CD274: variants seen among roughly 807,000 people sequenced by gnomAD.
The protein encoded by CD274 is CD274 molecule.
CD274 carries 8 observed loss-of-function variants against 30.1 expected under a neutral mutation model. The ratio of observed to expected loss-of-function variants is 0.27; its 90% CI spans 0.16 to 0.48. The LOEUF is 0.48. CD274 is among the 20% of genes least tolerant of loss of function. CD274 has a pLI of 0.99. For synonymous variants in CD274, 152 were observed against 124.6 expected, an observed-to-expected ratio of 1.22 and a Z score of -1.46; for missense variants, 353 against 346.6, an observed-to-expected ratio of 1.02 and a Z score of -0.15.
At chr9:5,450,713 GAA>G (rs2131200847) in intron 1 of CD274, 117 bp downstream of exon 1, 1 of 152,454 alleles carries the variant, frequency 6.6e-6, no homozygotes, top group East Asian at 1.9e-4. Context: ...GAGGAGAAGG[GAA>G]AGGGAACGCG....
At chr9:5,455,965 G>A in intron 1 of CD274, 135 bp from the exon 2 acceptor site, 1 of 611,320 alleles carries the variant, frequency 1.6e-6, no homozygotes, top group Non-Finnish European at 2.9e-6. Flanking sequence ...TCCCTGTTGG[G>A]TTTCCACAAT....
chr9:5,457,142 A>G lies in CD274; in HGVS notation c.116A>G (p.Glu39Gly), dbSNP rs1461816349. ...VVEYGSNMTIECKFPVEKQLD... is the reference protein window; with the variant it reads ...VVEYGSNMTIGCKFPVEKQLD... ...GAGTATGGTAGCAATATGACAATTG[A>G]ATGCAAATTCCCAGTAGAAAAACAA... Residue 39 changes from glutamate to glycine, a missense_variant, in exon 3 of 7, where the codon GAA becomes GGA. Coordinates refer to ENST00000381577, the MANE Select transcript of CD274 (RefSeq NM_014143.4). The G allele has an allele frequency of 6.2e-7, 1 of 1,614,066 alleles. No homozygotes were observed.
chr9:5,461,908 A>C (rs933260999), intron 3 of CD274, among the ~76,000 whole-genome samples: 21 of 152,256 alleles, frequency 1.4e-4, no homozygotes, highest in African/African-American at 5.1e-4. Flanking sequence ...GTGGTATCCT[A>C]GATAGCATCC....
At chr9:5,457,803 G>A (rs1183330216) in intron 3 of CD274, among the ~76,000 whole-genome samples, 2 of 152,198 alleles carry the variant, frequency 1.3e-5, no homozygotes, top group African/African-American at 2.4e-5. Context: ...GGCATGCAGA[G>A]AGAGTAACCA....
chr9:5,457,756 C>CAAAAGTG (rs1819332685), intron 3 of CD274, among the ~76,000 whole-genome samples: 1 of 152,158 alleles, frequency 6.6e-6, no homozygotes, highest in African/African-American at 2.4e-5. Context: ...AAATGAATTG[C>CAAAAGTG]AAAAGTGTCC....
intron 1 of CD274, among the ~76,000 whole-genome samples, chr9:5,453,136 A>G (rs1329145968): frequency 6.6e-6 from 1 of 152,144 alleles, no homozygotes; most frequent in South Asian, 2.1e-4. Context: ...CCTGAATGCC[A>G]TCGCTATTCC....
chr9:5,459,557 A>C (rs1003035683), intron 3 of CD274, among the ~76,000 whole-genome samples: 1 of 152,174 alleles, frequency 6.6e-6, no homozygotes, highest in Non-Finnish European at 1.5e-5. Context: ...TCCCCACAGG[A>C]GTTTACTCAC....
Position 5,468,243 on chromosome 9 carries a change from C to CA in CD274, c.*383dup, listed in dbSNP as rs1819529481. 1 of 294,554 alleles carries CA rather than the reference C, an allele frequency of 3.4e-6. No homozygotes were observed. The highest frequency in any genetic ancestry group is 6.3e-6 in the Non-Finnish European group (1 of 157,716). 18.2% of individuals were successfully genotyped at this position (294,554 alleles called of 1,614,324 possible). ...TGCAGAAGTGCCCTTTGCCTCCACT[C>CA]AATGCCTCAATTTGTTTTCTGCATG... On this transcript the variant is annotated 3_prime_UTR_variant, in exon 7 of 7. Transcript: ENST00000381577.
In CD274 at chr9:5,450,587, C is replaced by T. The variant is rs1364680981; in HGVS notation, c.-24C>T. The T allele has an allele frequency of 6.6e-6, 1 of 152,356 alleles. No homozygotes were observed. The highest frequency in any genetic ancestry group is 1.5e-5 in the Non-Finnish European group (1 of 68,132). 9.4% of individuals were successfully genotyped at this position (152,356 alleles called of 1,614,324 possible). ...GGCTCCGCACCAGCCGCGCTTCTGTCCGCCTGCAGGTAGGGAGCGTTGTTC... is the reference window on the plus strand; with the variant it reads ...GGCTCCGCACCAGCCGCGCTTCTGTTCGCCTGCAGGTAGGGAGCGTTGTTC... On this transcript the variant is annotated 5_prime_UTR_variant, in exon 1 of 7. Transcript: ENST00000381577.
At chr9:5,455,870 T>C (rs1488701054) in intron 1 of CD274, among the ~76,000 whole-genome samples, 2 of 151,710 alleles carry the variant, frequency 1.3e-5, no homozygotes, top group African/African-American at 2.4e-5. Flanking sequence ...CTATAATAAA[T>C]TTGAAACTTC....
rs777147127 is a variant in CD274 at position 5,463,158 on chromosome 9, C to T, written c.682+37C>T. ...AATGTGTCCATTAAAATATGTCTAACACTGTCCCCTAGCACCTAGCATGAT... is the reference window on the plus strand; with the variant it reads ...AATGTGTCCATTAAAATATGTCTAATACTGTCCCCTAGCACCTAGCATGAT... On this transcript the variant is annotated intron_variant, in intron 4 of 6. Transcript: ENST00000381577. 18 of 1,520,146 alleles carry T rather than the reference C, an allele frequency of 1.2e-5. No homozygotes were observed. The East Asian group carries it at 3.8e-4, about 32-fold the overall frequency. 94.2% of individuals were successfully genotyped at this position (1,520,146 alleles called of 1,614,324 possible).
At chr9:5,465,132 C>T (rs1371179207) in intron 4 of CD274, among the ~76,000 whole-genome samples, 1 of 151,814 alleles carries the variant, frequency 6.6e-6, no homozygotes, top group East Asian at 1.9e-4. Context: ...ATCAAGGCCG[C>T]CATTTAATAG....
intron 4 of CD274, among the ~76,000 whole-genome samples, chr9:5,464,382 G>A (rs924264456): frequency 1.3e-5 from 2 of 152,024 alleles, no homozygotes; most frequent in Non-Finnish European, 2.9e-5. Context: ...TAAAACATAC[G>A]TGAACAGGCA....
intron 5 of CD274, 44 bp from the exon 6 acceptor site, chr9:5,466,726 A>G: frequency 1.4e-6 from 2 of 1,427,560 alleles, no homozygotes; most frequent in South Asian, 1.2e-5. Flanking sequence ...TATGGGATGT[A>G]GAGCTGTGCT....
chr9:5,465,252 C>A (rs1386438995), intron 4 of CD274, among the ~76,000 whole-genome samples: 2 of 152,182 alleles, frequency 1.3e-5, no homozygotes, highest in African/African-American at 2.4e-5. Flanking sequence ...TGCCCAAGAC[C>A]TCAAAACTGG....
chr9:5,452,349 C>A (rs181788722), intron 1 of CD274, among the ~76,000 whole-genome samples: 174 of 152,270 alleles, frequency 1.1e-3, no homozygotes, highest in Admixed American at 2.9e-3. Context: ...TCCTCCTACC[C>A]ATCCTACCCT....
chr9:5,459,353 G>A (rs1819363392), intron 3 of CD274, among the ~76,000 whole-genome samples: 2 of 152,174 alleles, frequency 1.3e-5, no homozygotes, highest in South Asian at 2.1e-4. Context: ...TGAACCTTCT[G>A]CACTTAGAAC....
rs1819428719 is a variant in CD274 at position 5,462,847 on chromosome 9, A to T, written c.408A>T (p.Lys136Asn). The change falls in exon 4 of 7, where the codon AAA becomes AAT. Residue 136 changes from lysine (K) to asparagine (N), a missense_variant. By Grantham distance (94) the Lys-to-Asn change is moderately conservative (BLOSUM62 0). Coordinates refer to ENST00000381577, the MANE Select transcript of CD274 (RefSeq NM_014143.4). ...TTTATGTCCTAGCCCCATACAACAA[A>T]ATCAACCAAAGAATTTTGGTTGTGG... is the stretch of plus-strand genomic sequence containing the variant. ...ITVKVNAPYN[K>N]INQRILVVDP... 6.2e-7 allele frequency: 1 copy of T among 1,613,422 alleles called. No homozygotes were observed.
At chr9:5,453,083 G>C (rs1168043731) in intron 1 of CD274, among the ~76,000 whole-genome samples, 1 of 151,992 alleles carries the variant, frequency 6.6e-6, no homozygotes, top group African/African-American at 2.4e-5. Context: ...AAGATAGTCT[G>C]ATAGATGCTG....
Sources: gnomAD v4.1 joint callset for allele counts (sites outside exome capture counted in the v4.1 genomes callset) on GRCh38, gnomAD v4.1.1 for gene constraint, MANE v1.5 for transcripts, NCBI Gene and HGNC (gene_info 2026-07-23, HGNC 2026-07-21) for gene names.